Variants in GSDME observed in about 807,000 individuals in gnomAD.
GSDME encodes the protein gasdermin-E.
A neutral mutation model predicts 47.5 loss-of-function variants in GSDME; 44 were observed. That is an observed-to-expected ratio of 0.93 (90% CI 0.73 to 1.19). The LOEUF (loss-of-function observed/expected upper bound fraction) is 1.19, where lower values mean the gene tolerates loss of function less well. Ranked by LOEUF, GSDME falls within the 50% of genes most tolerant of loss-of-function variation. The pLI is 0.00. For synonymous variants in GSDME, 258 were observed against 252.8 expected (o/e 1.02, Z -0.20); for missense variants, 663 against 604.2 (o/e 1.10, Z -1.02).
chr7:24,791,146 T>C, the GSDME span, among the ~76,000 whole-genome samples: 2 of 151,984 alleles, frequency 1.3e-5, no homozygotes, highest in East Asian at 3.9e-4. This position sits in a 1 kb window ranked among gnomAD's most constrained non-coding sequence, Gnocchi z 4.8. Context: ...CAGGCTGGGA[T>C]TCCTTGACCA....
In GSDME at chr7:24,700,766, C is replaced by T. The variant is rs571604900; in HGVS notation, c.1258-1507G>A. ...CTTTAGAGAGTAGATTAGACCTGCTCTTTAAGCACAGCATCACACCCCAGT... is the reference window on the plus strand; with the variant it reads ...CTTTAGAGAGTAGATTAGACCTGCTTTTTAAGCACAGCATCACACCCCAGT... On this transcript the variant is annotated intron_variant, in intron 9 of 9. Coordinates refer to ENST00000645220, the MANE Select transcript of GSDME (RefSeq NM_001127453.2). Among the ~76,000 whole-genome samples, 25 of 152,352 alleles carry T rather than the reference C, an allele frequency of 1.6e-4. No individual in the cohort carries two copies. The South Asian group carries it at 4.6e-3, about 28-fold the overall frequency.
Position 24,730,602 on chromosome 7 carries a change from G to A in GSDME, c.405-11384C>T, listed in dbSNP as rs149162235. Among the ~76,000 whole-genome samples the A allele has an allele frequency of 9.8e-3, 1,491 of 152,246 alleles. 21 individuals are homozygous for A. Among genetic ancestry groups the A allele is most frequent in the African/African-American group, 0.034 (1,415 of 41,544 alleles). ...GAGGCTGAGATGGGCAGATCACAAG[G>A]TCAGGAGTTCAAGACCAGCCTGGCC... On this transcript the variant is annotated intron_variant, in intron 3 of 9. Transcript: ENST00000645220.
intron 1 of GSDME, among the ~76,000 whole-genome samples, chr7:24,753,255 C>A (rs1455821526): frequency 6.6e-6 from 1 of 152,180 alleles, no homozygotes; most frequent in African/African-American, 2.4e-5. Context: ...CCTGCCCAGG[C>A]CCCAGCAACC....
chr7:24,713,286 A>T (rs1479772171), intron 5 of GSDME, among the ~76,000 whole-genome samples: 2 of 151,744 alleles, frequency 1.3e-5, no homozygotes, highest in Non-Finnish European at 2.9e-5. Flanking sequence ...AGGCAGAGGG[A>T]CGGCGCCTCT....
chr7:24,707,986 C>G, intron 7 of GSDME, 141 bp downstream of exon 7: 1 of 1,049,852 alleles, frequency 9.5e-7, no homozygotes, highest in Non-Finnish European at 1.4e-6. Context: ...ACTTAGAAAA[C>G]GCAGGACCCA....
rs543046415 is a variant in GSDME, at chr7:24,735,969, G to A, written c.404+8593C>T. On this transcript the variant is annotated intron_variant, in intron 3 of 9. Transcript: ENST00000645220. The surrounding 1 kb of genome is among the most constrained non-coding windows in gnomAD (Gnocchi z 4.4). ...AGTTGTTATCAGCTTAAAATAATGG[G>A]TTACAATAATGGGATGGTATTTGCA... is the stretch of plus-strand genomic sequence containing the variant. 6.6e-6 allele frequency among the ~76,000 whole-genome samples: 1 copy of A among 151,982 alleles called. No homozygotes were observed. Among genetic ancestry groups the A allele is most frequent in the South Asian group, 2.1e-4 (1 of 4,820 alleles).
In GSDME at chr7:24,738,235, C is replaced by A. The variant is rs373925848; in HGVS notation, c.404+6327G>T. On this transcript the variant is annotated intron_variant, in intron 3 of 9. Coordinates refer to ENST00000645220, the MANE Select transcript of GSDME (RefSeq NM_001127453.2). ...TTATATTTGGAAAAACTTAAAGACT[C>A]CACCAAAAAACTATTAAAGCCAATA... Among the ~76,000 whole-genome samples, 4 of 152,044 alleles carry A rather than the reference C, an allele frequency of 2.6e-5. No homozygotes were observed. In the East Asian group the frequency reaches 5.8e-4, roughly 22 times the overall value.
the GSDME span, among the ~76,000 whole-genome samples, chr7:24,777,558 C>T: frequency 6.6e-6 from 1 of 152,206 alleles, no homozygotes; most frequent in South Asian, 2.1e-4. Flanking sequence ...AGGAAGCCCA[C>T]ACCTAAGACT....
chr7:24,786,784 T>C, the GSDME span, among the ~76,000 whole-genome samples: 10 of 152,234 alleles, frequency 6.6e-5, no homozygotes, highest in African/African-American at 2.4e-4. The surrounding 1 kb of genome is among the most constrained non-coding windows in gnomAD (Gnocchi z 5.5). Flanking sequence ...CTGAATTGCA[T>C]ACTTAAAAAT....
intron 9 of GSDME, among the ~76,000 whole-genome samples, chr7:24,700,585 G>C (rs371570005): frequency 6.6e-6 from 1 of 152,342 alleles, no homozygotes; most frequent in South Asian, 2.1e-4. Flanking sequence ...TGTCCAGGTA[G>C]ACTGAAGGGT....
At chr7:24,700,677 C>T (rs942821195) in intron 9 of GSDME, among the ~76,000 whole-genome samples, 2 of 152,186 alleles carry the variant, frequency 1.3e-5, no homozygotes, top group Non-Finnish European at 2.9e-5. Flanking sequence ...CCAAATACAA[C>T]TCACACAATG....
At position 24,710,086 on chromosome 7, in the gene GSDME, T is replaced by G. The variant is rs78768231; in HGVS notation, c.862+138A>C. ...TGAGTCCTGCCGAGTGGACTGGGCC[T>G]CGGCGGCATCACCTCTCTTCTCATA... On this transcript the variant is annotated intron_variant, in intron 6 of 9. Coordinates refer to ENST00000645220, the MANE Select transcript of GSDME (RefSeq NM_001127453.2). 6.3e-4 allele frequency: 606 copies of G among 965,282 alleles called. 2 individuals carry two copies. In the East Asian group the frequency reaches 0.014, roughly 23 times the overall value. 59.8% of individuals were successfully genotyped at this position (965,282 alleles called of 1,614,324 possible).
At chr7:24,784,238 G>A in the GSDME span, among the ~76,000 whole-genome samples, 13 of 152,084 alleles carry the variant, frequency 8.5e-5, no homozygotes, top group African/African-American at 2.4e-4. Flanking sequence ...AGGGTTCTGC[G>A]GAGGGACAGA....
chr7:24,701,397 T>TG (rs1320577088), intron 9 of GSDME, among the ~76,000 whole-genome samples: 1 of 152,126 alleles, frequency 6.6e-6, no homozygotes, highest in East Asian at 1.9e-4. Flanking sequence ...GAGCAGAACT[T>TG]GGGGGTAATA....
intron 3 of GSDME, among the ~76,000 whole-genome samples, chr7:24,741,514 C>T (rs188162767): frequency 1.3e-5 from 2 of 152,256 alleles, no homozygotes; most frequent in African/African-American, 2.4e-5. Context: ...TGCCTTCCTG[C>T]CCAGCACAGG....
At chr7:24,788,935 CACTA>C in the GSDME span, among the ~76,000 whole-genome samples, 868 of 152,216 alleles carry the variant, frequency 5.7e-3, 10 homozygotes, top group African/African-American at 0.019. The surrounding 1 kb of genome is among the most constrained non-coding windows in gnomAD (Gnocchi z 4.6). Context: ...ATGCAAATTC[CACTA>C]ACTGTTATGC....
chr7:24,737,972 T>C (rs1415961362), intron 3 of GSDME, among the ~76,000 whole-genome samples: 3 of 151,954 alleles, frequency 2.0e-5, no homozygotes, highest in East Asian at 1.9e-4. Context: ...AGAAGGAACA[T>C]AGTTCCACAA....
At chr7:24,709,631 A>G (rs544550573) in intron 6 of GSDME, among the ~76,000 whole-genome samples, 2 of 152,036 alleles carry the variant, frequency 1.3e-5, no homozygotes, top group Admixed American at 1.3e-4. Context: ...CTCCTCCTAT[A>G]TGCTGCGCCC....
chr7:24,744,817 C>A lies in GSDME; in HGVS notation c.212-63G>T. On this transcript the variant is annotated intron_variant, in intron 2 of 9. Coordinates refer to ENST00000645220, the MANE Select transcript of GSDME (RefSeq NM_001127453.2). The surrounding 1 kb of genome is among the most constrained non-coding windows in gnomAD (Gnocchi z 4.5). ...ATAAGGCCACCAAGATGTCTTGGGT[C>A]ATTTAGCTTTCCAAGCCTGTGCAGA... 1.3e-6 allele frequency: 2 copies of A among 1,570,886 alleles called. No homozygotes were observed. The highest frequency in any genetic ancestry group is 2.3e-5 in the South Asian group (2 of 88,404).
Sources: allele counts gnomAD v4.1 joint callset (sites outside exome capture counted in the v4.1 genomes callset), GRCh38; gene constraint gnomAD v4.1.1; non-coding constraint Gnocchi (gnomAD v3.1); transcripts MANE v1.5; gene names NCBI Gene and HGNC (gene_info 2026-07-23, HGNC 2026-07-21).